The following CD82 variants were observed in gnomAD, a reference collection of about 807,000 sequenced individuals.
The protein encoded by CD82 is CD82 antigen.
CD82 carries 36 observed loss-of-function variants against 37.4 expected under a neutral mutation model. That is an observed-to-expected ratio of 0.96 (90% CI 0.74 to 1.27). CD82 has a LOEUF of 1.27. CD82 is among the 50% of genes most tolerant of loss of function. The pLI is 0.00. For synonymous variants in CD82, 158 were observed against 137.4 expected (o/e 1.15, Z -1.05); for missense variants, 340 against 347.0 (o/e 0.98, Z 0.16).
intron 2 of CD82, among the ~76,000 whole-genome samples, chr11:44,594,386 C>A (rs1204082942): frequency 8.2e-6 from 1 of 121,910 alleles, no homozygotes; most frequent in African/African-American, 3.4e-5. Context: ...CATTTTGCTC[C>A]CACCAGCCCC....
rs952171977 is a variant in CD82, at chr11:44,619,339, C to G, written c.*213C>G. 3.3e-5 allele frequency: 19 copies of G among 570,988 alleles called. No homozygotes were observed. The highest frequency in any genetic ancestry group is 4.2e-5 in the South Asian group (2 of 47,394). The allele number at this position is 570,988 out of a possible 1,614,324, so 35.4% of individuals were successfully genotyped here. A position where few individuals can be genotyped will look rare whatever the true frequency, so the allele number is the denominator to read the frequency against. ...CTGGCTGTTCTGTGGTTCCTCTGCTCACCGCCCATCAGGGTTCTCTTAGCA... is the reference window on the plus strand; with the variant it reads ...CTGGCTGTTCTGTGGTTCCTCTGCTGACCGCCCATCAGGGTTCTCTTAGCA... On this transcript the variant is annotated 3_prime_UTR_variant, in exon 10 of 10. Transcript: ENST00000227155.
chr11:44,614,479 C>T (rs1853532183), intron 6 of CD82, among the ~76,000 whole-genome samples: 1 of 152,236 alleles, frequency 6.6e-6, no homozygotes, highest in African/African-American at 2.4e-5. Flanking sequence ...TATTCTGTGC[C>T]AGGCTTGGCG....
chr11:44,594,693 T>C lies in CD82; in HGVS notation c.31T>C (p.Tyr11His). 6.2e-7 allele frequency: 1 copy of C among 1,614,034 alleles called. No homozygotes were observed. Among genetic ancestry groups the C allele is most frequent in the East Asian group, 2.2e-5 (1 of 44,862 alleles). MGSACIKVTK[Y>H]FLFLFNLIFF... Reference sequence around the variant, plus strand: ...CTCAGCCTGTATCAAAGTCACCAAATACTTTCTCTTCCTCTTCAACTTGAT... The same window carrying C: ...CTCAGCCTGTATCAAAGTCACCAAACACTTTCTCTTCCTCTTCAACTTGAT... The change falls in exon 3 of 10, where the codon TAC (tyrosine) becomes CAC (histidine). Residue 11 changes from tyrosine to histidine, a missense_variant. Physicochemically the swap from Tyr to His is moderately conservative, Grantham distance 83. Coordinates refer to ENST00000227155, the MANE Select transcript of CD82 (RefSeq NM_002231.4).
At position 44,618,161 on chromosome 11, in the gene CD82, G is replaced by C; in HGVS notation, c.439-1G>C. On this transcript the variant is annotated splice_acceptor_variant, in intron 7 of 9. Transcript: ENST00000227155. LOFTEE classifies it high-confidence loss of function. ...AGCAGTCTGTCCCCTGCCTTGCCCA[G>C]GTGAAGTGCTGCGGCTGGGTCAGCT... 6.2e-7 allele frequency: 1 copy of C among 1,613,884 alleles called. No homozygotes were observed. Among genetic ancestry groups the C allele is most frequent in the Non-Finnish European group, 8.5e-7 (1 of 1,179,894 alleles).
chr11:44,569,626 G>A lies in CD82; in HGVS notation c.-103+3890G>A, dbSNP rs117733529. Among the ~76,000 whole-genome samples, 4 of 152,114 alleles carry A rather than the reference G, an allele frequency of 2.6e-5. No individual in the cohort carries two copies. The East Asian group carries it at 7.8e-4, about 30-fold the overall frequency. ...AACACCCACCCATACTCAGGCATGC[G>A]CACACACACAAATACAACCCCAACA... On this transcript the variant is annotated intron_variant, in intron 1 of 9. Transcript: ENST00000227155.
In CD82 at chr11:44,619,763, C is replaced by CAAAAAAAA. The variant is rs397848957; in HGVS notation, c.*656_*663dup. 1 of 66,422 alleles carries CAAAAAAAA rather than the reference C, an allele frequency of 1.5e-5. No homozygotes were observed. Among genetic ancestry groups the CAAAAAAAA allele is most frequent in the Non-Finnish European group, 2.7e-5 (1 of 36,610 alleles). 4.1% of individuals were successfully genotyped at this position (66,422 alleles called of 1,614,324 possible). On this transcript the variant is annotated 3_prime_UTR_variant, in exon 10 of 10. Transcript: ENST00000227155. ...TGGGGGACAGAAAGAGACTCCGTCT[C>CAAAAAAAA]AAAAAAAAAAAAAAAAAAAAAAAAA...
chr11:44,617,078 G>A (rs972683627), intron 7 of CD82, among the ~76,000 whole-genome samples: 4 of 152,062 alleles, frequency 2.6e-5, no homozygotes, highest in African/African-American at 4.8e-5. Flanking sequence ...CTGGTCAGGC[G>A]ACACCCCTCG....
intron 7 of CD82, among the ~76,000 whole-genome samples, chr11:44,617,473 C>G (rs577004421): frequency 2.7e-5 from 4 of 146,352 alleles, no homozygotes; most frequent in African/African-American, 1.0e-4. Flanking sequence ...GCAGGAGAAT[C>G]GTTTGAACCC....
chr11:44,588,562 A>G (rs986044226), intron 2 of CD82, among the ~76,000 whole-genome samples: 1 of 152,184 alleles, frequency 6.6e-6, no homozygotes, highest in African/African-American at 2.4e-5. Context: ...CCAATGAGTA[A>G]AGTGAGGCTC....
At chr11:44,565,239 G>A (rs1353788477), upstream of CD82, among the ~76,000 whole-genome samples, 1 of 152,208 alleles carries the variant, frequency 6.6e-6, no homozygotes, top group East Asian at 1.9e-4. Flanking sequence ...TACTAGGGCC[G>A]GGGGATGGGG....
intron 7 of CD82, among the ~76,000 whole-genome samples, chr11:44,617,087 C>T (rs1853574947): frequency 1.3e-5 from 2 of 152,130 alleles, no homozygotes; most frequent in South Asian, 4.1e-4. Context: ...CGACACCCCT[C>T]GGAGCTAGGA....
intron 6 of CD82, chr11:44,607,062 C>T (rs1376915659): frequency 6.6e-6 from 1 of 152,262 alleles, no homozygotes; most frequent in East Asian, 1.9e-4. Context: ...CCAGTGCCAC[C>T]AGTTCTTGTC....
chr11:44,585,134 C>T, intron 1 of CD82: 1 of 453,150 alleles, frequency 2.2e-6, no homozygotes, highest in Non-Finnish European at 4.5e-6. Flanking sequence ...GGTCCTACTT[C>T]TCCCCCAGCC....
intron 6 of CD82, chr11:44,606,841 C>T (rs1423497564): frequency 6.6e-6 from 1 of 152,336 alleles, no homozygotes; most frequent in Non-Finnish European, 1.5e-5. Context: ...TGAGTCCATG[C>T]ACAGCATATA....
At chr11:44,578,426 A>G (rs1356595806) in intron 1 of CD82, among the ~76,000 whole-genome samples, 1 of 152,006 alleles carries the variant, frequency 6.6e-6, no homozygotes, top group Non-Finnish European at 1.5e-5. Context: ...ACCCCTTCCT[A>G]TAGCGCCTAG....
intron 7 of CD82, 150 bp downstream of exon 7, chr11:44,615,523 C>T: frequency 1.6e-6 from 1 of 624,186 alleles, no homozygotes; most frequent in Non-Finnish European, 2.9e-6. Context: ...GGGCAGGGCA[C>T]CCCAGTTAGC....
intron 4 of CD82, among the ~76,000 whole-genome samples, chr11:44,603,440 G>A (rs893835955): frequency 6.6e-6 from 1 of 152,186 alleles, no homozygotes; most frequent in Non-Finnish European, 1.5e-5. Flanking sequence ...CCAGCCCCAG[G>A]CCTGTATTCT....
At chr11:44,614,598 A>G (rs57783909) in intron 6 of CD82, among the ~76,000 whole-genome samples, 2,971 of 152,314 alleles carry the variant, frequency 0.02, 97 homozygotes, top group African/African-American at 0.069. Context: ...ACAAGCATGT[A>G]ACGTCAGTGC....
At chr11:44,584,159 G>C (rs1853020204) in intron 1 of CD82, among the ~76,000 whole-genome samples, 1 of 152,190 alleles carries the variant, frequency 6.6e-6, no homozygotes, top group Admixed American at 6.5e-5. Context: ...AATCCCATGA[G>C]ATGGGGATCC....
Sources: gnomAD v4.1 joint callset for allele counts (sites outside exome capture counted in the v4.1 genomes callset) on GRCh38, gnomAD v4.1.1 for gene constraint, MANE v1.5 for transcripts, NCBI Gene and HGNC (gene_info 2026-07-23, HGNC 2026-07-21) for gene names.